Variants in SAMD4A observed in about 807,000 individuals in gnomAD.
The protein encoded by SAMD4A is sterile alpha motif domain containing 4A.
Under a neutral mutation model 81.3 loss-of-function variants are expected in SAMD4A, and 33 were observed. That is an observed-to-expected ratio of 0.41 (90% CI 0.31 to 0.54). SAMD4A has a LOEUF of 0.54. SAMD4A is among the 20% of genes least tolerant of loss of function. The pLI, the probability that SAMD4A is intolerant of heterozygous loss-of-function variation, is 0.37. For synonymous variants in SAMD4A, 389 were observed against 382.1 expected (o/e 1.02, Z -0.21); for missense variants, 854 against 951.1 (o/e 0.90, Z 1.34).
chr14:54,787,628 C>A (rs1216361197), intron 12 of SAMD4A, among the ~76,000 whole-genome samples: 1 of 152,244 alleles, frequency 6.6e-6, no homozygotes, highest in East Asian at 1.9e-4. Flanking sequence ...GGGAGGCACC[C>A]CACAGCCCTG....
At chr14:54,611,987 C>T (rs188796997) in intron 2 of SAMD4A, among the ~76,000 whole-genome samples, 1 of 152,176 alleles carries the variant, frequency 6.6e-6, no homozygotes, top group Non-Finnish European at 1.5e-5. Context: ...CTGATCATGC[C>T]GTCACCCTGA....
intron 11 of SAMD4A, among the ~76,000 whole-genome samples, chr14:54,778,798 G>C (rs1284416260): frequency 7.2e-5 from 11 of 152,200 alleles, no homozygotes; most frequent in Non-Finnish European, 1.3e-4. Flanking sequence ...AGCACGCTCA[G>C]CACCATGCTG....
Position 54,756,091 on chromosome 14 carries a change from G to T in SAMD4A, c.1177-4070G>T, listed in dbSNP as rs554949746. On this transcript the variant is annotated intron_variant, in intron 6 of 12. Coordinates refer to ENST00000554335, the MANE Select transcript of SAMD4A (RefSeq NM_015589.6). ...TTCCATCAAGTGCTGCAGAGAAACC[G>T]CAGATAAACTTAATATTAAATGCTA... Among the ~76,000 whole-genome samples, 3 of 152,250 alleles carry T rather than the reference G, an allele frequency of 2.0e-5. No homozygotes were observed. The East Asian group carries it at 5.8e-4, about 29-fold the overall frequency.
chr14:54,749,873 A>G (rs2038058495), intron 5 of SAMD4A, among the ~76,000 whole-genome samples: 1 of 152,212 alleles, frequency 6.6e-6, no homozygotes, highest in Non-Finnish European at 1.5e-5. Context: ...GCTGGTCTGG[A>G]CGCATACCTC....
intron 2 of SAMD4A, among the ~76,000 whole-genome samples, chr14:54,692,475 C>G (rs2036465768): frequency 6.6e-6 from 1 of 152,126 alleles, no homozygotes; most frequent in African/African-American, 2.4e-5. Context: ...ATGCCGTGCT[C>G]CTTTTGGGAC....
Position 54,770,100 on chromosome 14 carries a change from G to T in SAMD4A, c.1597-4G>T, listed in dbSNP as rs1213398377. On this transcript the variant is annotated splice_region_variant and splice_polypyrimidine_tract_variant and intron_variant, in intron 8 of 12. Coordinates refer to ENST00000554335, the MANE Select transcript of SAMD4A (RefSeq NM_015589.6). Reference sequence around the variant, plus strand: ...CCATTTAAAAGTCCTGTTTGTTTTTGCAGGCATTTACAGAGACACAGAAAA... The same window carrying T: ...CCATTTAAAAGTCCTGTTTGTTTTTTCAGGCATTTACAGAGACACAGAAAA... 1.3e-6 allele frequency: 2 copies of T among 1,596,806 alleles called. No individual in the cohort carries two copies. Among genetic ancestry groups the T allele is most frequent in the Non-Finnish European group, 1.7e-6 (2 of 1,165,442 alleles).
chr14:54,776,458 C>G lies in SAMD4A; in HGVS notation c.1962C>G (p.Ser654Arg). The G allele has an allele frequency of 3.1e-6, 5 of 1,595,028 alleles. No homozygotes were observed. Among genetic ancestry groups the G allele is most frequent in the Non-Finnish European group, 4.3e-6 (5 of 1,171,698 alleles). ...CCGGGGGCAGCAATAGCATGCCAAG[C>G]CGCACCCACAGCTCAGTCCAGAGGA... Reference protein sequence around the residue: ...ANPGGSNSMPSRTHSSVQRTR... With the variant: ...ANPGGSNSMPRRTHSSVQRTR... Residue 654 changes from serine to arginine, a missense_variant, in exon 11 of 13, where the codon AGC (serine) becomes AGG (arginine). Coordinates refer to ENST00000554335, the MANE Select transcript of SAMD4A (RefSeq NM_015589.6).
intron 8 of SAMD4A, among the ~76,000 whole-genome samples, chr14:54,768,289 C>T (rs966855714): frequency 6.6e-6 from 1 of 152,218 alleles, no homozygotes; most frequent in Non-Finnish European, 1.5e-5. Context: ...AGTGTGACAC[C>T]TGTGAGTGGC....
intron 2 of SAMD4A, among the ~76,000 whole-genome samples, chr14:54,672,257 T>G (rs1387792525): frequency 6.6e-6 from 1 of 151,792 alleles, no homozygotes; most frequent in East Asian, 1.9e-4. Flanking sequence ...TCTTTTAAAT[T>G]TTTTCGAGCC....
chr14:54,720,095 C>T (rs1951440), intron 3 of SAMD4A, among the ~76,000 whole-genome samples: 44,639 of 151,958 alleles, frequency 0.29, 6,773 homozygotes, highest in Middle Eastern at 0.37. Context: ...TTCTACTCAC[C>T]AGGTGATTCA....
At chr14:54,569,238 G>A (rs2033055824) in intron 2 of SAMD4A, among the ~76,000 whole-genome samples, 1 of 152,162 alleles carries the variant, frequency 6.6e-6, no homozygotes, top group South Asian at 2.1e-4. Flanking sequence ...AGGGCAGTGG[G>A]GCCTGGGAGA....
chr14:54,626,994 T>G (rs1175787796), intron 2 of SAMD4A, among the ~76,000 whole-genome samples: 2 of 152,258 alleles, frequency 1.3e-5, no homozygotes, highest in Non-Finnish European at 2.9e-5. Flanking sequence ...TTCAGGGTTT[T>G]TCTCCCAATT....
At chr14:54,595,197 A>G (rs1352552265) in intron 2 of SAMD4A, among the ~76,000 whole-genome samples, 1 of 152,128 alleles carries the variant, frequency 6.6e-6, no homozygotes, top group Non-Finnish European at 1.5e-5. Context: ...CTTCTCAGGT[A>G]TAGCCATTTT....
At chr14:54,763,529 C>T (rs990967498) in intron 7 of SAMD4A, among the ~76,000 whole-genome samples, 1 of 152,044 alleles carries the variant, frequency 6.6e-6, no homozygotes, top group African/African-American at 2.4e-5. Context: ...TTTGTTATGA[C>T]AAACAATGTT....
intron 10 of SAMD4A, 108 bp downstream of exon 10, chr14:54,775,243 G>A: frequency 8.2e-7 from 1 of 1,225,618 alleles, no homozygotes; most frequent in Non-Finnish European, 1.2e-6. Context: ...AGGGGACTAT[G>A]CTGGGGGCAG....
At chr14:54,749,861 T>C (rs1180799882) in intron 5 of SAMD4A, among the ~76,000 whole-genome samples, 3 of 152,250 alleles carry the variant, frequency 2.0e-5, no homozygotes, top group Non-Finnish European at 4.4e-5. Flanking sequence ...CATTTGGGCA[T>C]GGCTGGTCTG....
intron 2 of SAMD4A, among the ~76,000 whole-genome samples, chr14:54,677,812 T>C (rs921313886): frequency 5.9e-5 from 9 of 152,212 alleles, no homozygotes; most frequent in Non-Finnish European, 1.3e-4. Flanking sequence ...TTCTCTCCTA[T>C]GTTGGAATTG....
chr14:54,614,897 A>G (rs1046427190), intron 2 of SAMD4A, among the ~76,000 whole-genome samples: 4 of 152,184 alleles, frequency 2.6e-5, no homozygotes, highest in Admixed American at 1.3e-4. Context: ...GGAGACCAGG[A>G]TGGGACCTGG....
At position 54,776,479 on chromosome 14, in the gene SAMD4A, G is replaced by A; in HGVS notation, c.1983G>A (p.Gln661=). ...CAAGCCGCACCCACAGCTCAGTCCA[G>A]AGGACCCGCTCGCTGCCCGTGCACA... ...SMPSRTHSSV[Q]RTRSLPVHTS... Residue 661 remains glutamine, a synonymous_variant, in exon 11 of 13, where the codon CAG becomes CAA. Coordinates refer to ENST00000554335, the MANE Select transcript of SAMD4A (RefSeq NM_015589.6). The A allele has an allele frequency of 6.3e-7, 1 of 1,596,958 alleles. No individual in the cohort carries two copies. Among genetic ancestry groups the A allele is most frequent in the Non-Finnish European group, 8.5e-7 (1 of 1,172,500 alleles).
Sources: gnomAD v4.1 joint callset for allele counts (sites outside exome capture counted in the v4.1 genomes callset) on GRCh38, gnomAD v4.1.1 for gene constraint, MANE v1.5 for transcripts, NCBI Gene and HGNC (gene_info 2026-07-23, HGNC 2026-07-21) for gene names.